NCAM2: variants seen among roughly 807,000 people sequenced by gnomAD.
The protein encoded by NCAM2 is N-CAM-2.
Under a neutral mutation model 98.1 loss-of-function variants are expected in NCAM2, and 30 were observed. That is an observed-to-expected ratio of 0.31 (90% CI 0.23 to 0.41). The LOEUF is 0.41. Among genes scored for constraint, NCAM2 ranks in the 10% least tolerant of loss-of-function variants. NCAM2 has a pLI of 1.00. For missense variants in NCAM2, 867 were observed against 1,005.8 expected, an observed-to-expected ratio of 0.86 and a Z score of 1.87; for synonymous variants, 368 against 342.4, an observed-to-expected ratio of 1.07 and a Z score of -0.83.
chr21:21,251,023 T>G (rs2071449106), intron 1 of NCAM2, among the ~76,000 whole-genome samples: 1 of 152,210 alleles, frequency 6.6e-6, no homozygotes, highest in Admixed American at 6.5e-5. Context: ...GCATGATTAT[T>G]TTTAACACCT....
chr21:21,523,726 G>C (rs1166042198), intron 16 of NCAM2, among the ~76,000 whole-genome samples: 1 of 151,860 alleles, frequency 6.6e-6, no homozygotes, highest in Non-Finnish European at 1.5e-5. Flanking sequence ...ACTTCATTCA[G>C]TTCATTGTAA....
intron 5 of NCAM2, among the ~76,000 whole-genome samples, chr21:21,318,346 A>G (rs1006077569): frequency 1.3e-5 from 2 of 152,176 alleles, no homozygotes; most frequent in Non-Finnish European, 2.9e-5. Context: ...TTTAATTATT[A>G]TCTCATACTG....
chr21:21,035,679 C>T (rs1471673633), intron 1 of NCAM2, among the ~76,000 whole-genome samples: 1 of 152,052 alleles, frequency 6.6e-6, no homozygotes, highest in Non-Finnish European at 1.5e-5. Context: ...TATATGATCT[C>T]AAACTTGTCA....
chr21:21,147,496 A>G lies in NCAM2; in HGVS notation c.56-133082A>G, dbSNP rs140005221. ...ATACTCATGACTCACTGTAGCCTCA[A>G]TATACATACACTAATATATATATAC... On this transcript the variant is annotated intron_variant, in intron 1 of 17. Transcript: ENST00000400546. 5.7e-3 allele frequency among the ~76,000 whole-genome samples: 868 copies of G among 151,470 alleles called. 10 individuals are homozygous for G. Among genetic ancestry groups the G allele is most frequent in the African/African-American group, 0.02 (822 of 41,264 alleles).
At chr21:21,265,100 TATATA>T (rs2072151021) in intron 1 of NCAM2, among the ~76,000 whole-genome samples, 1 of 48,696 alleles carries the variant, frequency 2.1e-5, no homozygotes, top group African/African-American at 7.0e-5. Context: ...TATATATACA[TATATA>T]ATATATATAC....
intron 1 of NCAM2, among the ~76,000 whole-genome samples, chr21:21,259,597 A>C (rs2071813423): frequency 6.6e-6 from 1 of 152,150 alleles, no homozygotes; most frequent in African/African-American, 2.4e-5. Context: ...ACTGGAGCCC[A>C]AAATTCACCA....
chr21:21,266,202 G>C (rs2072264555), intron 1 of NCAM2, among the ~76,000 whole-genome samples: 1 of 152,092 alleles, frequency 6.6e-6, no homozygotes, highest in African/African-American at 2.4e-5. Context: ...ACAGTGGGGA[G>C]TAGAGTTGCA....
chr21:21,039,710 T>C (rs1391508703), intron 1 of NCAM2, among the ~76,000 whole-genome samples: 1 of 152,126 alleles, frequency 6.6e-6, no homozygotes, highest in Non-Finnish European at 1.5e-5. Flanking sequence ...AATGAGAACA[T>C]TTTTCCAGGA....
chr21:21,234,271 C>T (rs181068161), intron 1 of NCAM2, among the ~76,000 whole-genome samples: 2 of 151,424 alleles, frequency 1.3e-5, no homozygotes, highest in Admixed American at 1.3e-4. Flanking sequence ...ACCCTTCACT[C>T]ATGAACTTTA....
chr21:21,061,866 A>G (rs1427400275), intron 1 of NCAM2, among the ~76,000 whole-genome samples: 2 of 152,170 alleles, frequency 1.3e-5, no homozygotes, highest in African/African-American at 2.4e-5. Flanking sequence ...GTGATTTTCA[A>G]TCACCATAAC....
At chr21:21,299,585 C>A (rs1024455636) in intron 5 of NCAM2, among the ~76,000 whole-genome samples, 2 of 151,272 alleles carry the variant, frequency 1.3e-5, no homozygotes, top group Non-Finnish European at 1.5e-5. Flanking sequence ...CTCTTTCTCT[C>A]CTTCCCTCCT....
intron 7 of NCAM2, 72 bp downstream of exon 7, chr21:21,335,737 A>G: frequency 1.2e-5 from 15 of 1,200,484 alleles, no homozygotes; most frequent in Non-Finnish European, 9.9e-6. Context: ...TACTCTAATC[A>G]TTTGAACTAT....
chr21:21,220,857 G>A lies in NCAM2; in HGVS notation c.56-59721G>A, dbSNP rs140863090. On this transcript the variant is annotated intron_variant, in intron 1 of 17. Transcript: ENST00000400546. ...TGAGCTGATAAGATTGCCACAGGTG[G>A]CACTAAAGGCATAACTTGTTTTATT... 1.7e-3 allele frequency among the ~76,000 whole-genome samples: 253 copies of A among 152,304 alleles called. 2 individuals are homozygous for A. Among genetic ancestry groups the A allele is most frequent in the African/African-American group, 5.9e-3 (245 of 41,562 alleles).
intron 8 of NCAM2, among the ~76,000 whole-genome samples, 200 bp downstream of exon 8, chr21:21,338,734 A>G (rs1356283810): frequency 6.6e-6 from 1 of 152,172 alleles, no homozygotes; most frequent in African/African-American, 2.4e-5. Context: ...AAATATTTAA[A>G]GATGTTCTTT....
intron 9 of NCAM2, among the ~76,000 whole-genome samples, chr21:21,401,073 G>T (rs2076619298): frequency 6.6e-6 from 1 of 152,148 alleles, no homozygotes. Flanking sequence ...CTACTTGACA[G>T]AGTTGGCACT....
chr21:21,395,037 T>A lies in NCAM2; in HGVS notation c.1196-15237T>A, dbSNP rs559392195. Among the ~76,000 whole-genome samples the A allele has an allele frequency of 6.4e-3, 968 of 152,286 alleles. 9 individuals are homozygous for A. Among genetic ancestry groups the A allele is most frequent in the Admixed American group, 0.011 (163 of 15,286 alleles). ...ACATTGTTCTTTCCCTCATTGAATG[T>A]ATAAATTAGGCTGGCTGGGTGTGGT... On this transcript the variant is annotated intron_variant, in intron 9 of 17. Transcript: ENST00000400546.
intron 1 of NCAM2, among the ~76,000 whole-genome samples, chr21:21,103,758 T>C (rs1452225594): frequency 6.6e-6 from 1 of 152,144 alleles, no homozygotes; most frequent in East Asian, 1.9e-4. Context: ...AGGCATGCAC[T>C]TGCTGTCATG....
rs2077151911 is a variant in NCAM2 at position 21,423,372 on chromosome 21, T to G, written c.1480+4803T>G. Among the ~76,000 whole-genome samples, 3 of 152,196 alleles carry G rather than the reference T, an allele frequency of 2.0e-5. No homozygotes were observed. In the South Asian group the frequency reaches 6.2e-4, roughly 31 times the overall value. ...CAAGCACCCAGCACATGACAAGTAC[T>G]CAACAAATATTAGGTAGGTATTATT... On this transcript the variant is annotated intron_variant, in intron 11 of 17. Transcript: ENST00000400546.
chr21:21,407,088 G>T (rs1307984778), intron 9 of NCAM2, among the ~76,000 whole-genome samples: 1 of 151,844 alleles, frequency 6.6e-6, no homozygotes, highest in Admixed American at 6.6e-5. Context: ...ACTATTTTTG[G>T]TACACCAACA....
Sources: allele counts gnomAD v4.1 joint callset (sites outside exome capture counted in the v4.1 genomes callset), GRCh38; gene constraint gnomAD v4.1.1; transcripts MANE v1.5; gene names NCBI Gene and HGNC (gene_info 2026-07-23, HGNC 2026-07-21).